Variants in STK32C observed in about 807,000 individuals in gnomAD.
The protein encoded by STK32C is serine/threonine kinase 32C, also known as serine/threonine-protein kinase 32C.
A neutral mutation model predicts 56.5 loss-of-function variants in STK32C; 31 were observed. The observed-to-expected ratio is 0.55, with a 90% CI of 0.41 to 0.74. The LOEUF is 0.74. Ranked by LOEUF, STK32C falls within the 30% of genes least tolerant of loss-of-function variation. STK32C has a pLI of 0.00. For missense variants in STK32C, 544 were observed against 676.9 expected, an observed-to-expected ratio of 0.80 and a Z score of 2.18; for synonymous variants, 309 against 289.4, an observed-to-expected ratio of 1.07 and a Z score of -0.69.
At chr10:132,219,012 G>A (rs1047394278) in intron 10 of STK32C, among the ~76,000 whole-genome samples, 5 of 152,176 alleles carry the variant, frequency 3.3e-5, no homozygotes, top group Admixed American at 6.5e-5. Flanking sequence ...CTACAGAGAC[G>A]GAAAGTAGCT....
intron 2 of STK32C, among the ~76,000 whole-genome samples, chr10:132,228,412 G>A (rs1256215844): frequency 6.6e-6 from 1 of 152,218 alleles, no homozygotes; most frequent in Non-Finnish European, 1.5e-5. Context: ...GGCGGCACCT[G>A]TCTCAGTGAC....
chr10:132,268,583 G>T (rs1272896207), intron 1 of STK32C, among the ~76,000 whole-genome samples: 17 of 147,644 alleles, frequency 1.2e-4, no homozygotes, highest in Admixed American at 1.1e-3. Flanking sequence ...ACATGCATGT[G>T]TATGCAGGTT....
chr10:132,279,783 G>A (rs1206471450), intron 1 of STK32C, among the ~76,000 whole-genome samples: 1 of 123,054 alleles, frequency 8.1e-6, no homozygotes, highest in African/African-American at 3.2e-5. Flanking sequence ...CCCTGTACTC[G>A]GTGATCACAC....
upstream of STK32C, among the ~76,000 whole-genome samples, chr10:132,312,196 C>G (rs1309167511): frequency 6.6e-6 from 1 of 152,082 alleles, no homozygotes; most frequent in African/African-American, 2.4e-5. Flanking sequence ...TTGGTAGAGA[C>G]AAGGATTTCA....
chr10:132,245,223 T>A (rs970664721), intron 2 of STK32C, among the ~76,000 whole-genome samples: 3 of 152,170 alleles, frequency 2.0e-5, no homozygotes, highest in African/African-American at 7.2e-5. Context: ...GCAGCACCCA[T>A]CTGCTAAGCC....
chr10:132,240,045 C>T (rs900129145), intron 2 of STK32C, among the ~76,000 whole-genome samples: 2 of 152,354 alleles, frequency 1.3e-5, no homozygotes, highest in South Asian at 2.1e-4. Flanking sequence ...GTGGAGCTGC[C>T]ATCCTGGTGG....
chr10:132,227,073 C>T (rs1053374439), intron 3 of STK32C, 105 bp from the exon 4 acceptor site: 108 of 1,306,160 alleles, frequency 8.3e-5, no homozygotes, highest in Non-Finnish European at 1.1e-4. Flanking sequence ...CCCACCCCAG[C>T]ATCAGCCACC....
At chr10:132,253,116 T>G (rs1265252944) in intron 1 of STK32C, among the ~76,000 whole-genome samples, 2 of 152,238 alleles carry the variant, frequency 1.3e-5, no homozygotes, top group Admixed American at 1.3e-4. Context: ...AGCATTTCCC[T>G]GTTCTCAGAG....
chr10:132,223,055 C>G, intron 8 of STK32C, 69 bp from the exon 9 acceptor site: 1 of 1,507,292 alleles, frequency 6.6e-7, no homozygotes, highest in South Asian at 1.2e-5. Flanking sequence ...CCGCCACCCC[C>G]AGGCCAGGGC....
chr10:132,264,994 G>GACA (rs140487980), intron 1 of STK32C, among the ~76,000 whole-genome samples: 5,140 of 152,346 alleles, frequency 0.034, 108 homozygotes, highest in South Asian at 0.064. Flanking sequence ...GAGGATTCAG[G>GACA]ACAGCCACAC....
chr10:132,275,559 T>C (rs2064969188), intron 1 of STK32C, among the ~76,000 whole-genome samples: 1 of 152,228 alleles, frequency 6.6e-6, no homozygotes, highest in Non-Finnish European at 1.5e-5. Context: ...CCGCTCTTCC[T>C]TCTGGCCACT....
At chr10:132,263,378 G>C (rs1045235638) in intron 1 of STK32C, among the ~76,000 whole-genome samples, 3 of 152,112 alleles carry the variant, frequency 2.0e-5, no homozygotes, top group Non-Finnish European at 4.4e-5. Flanking sequence ...GTGTAGGTGG[G>C]AGCTAACCAC....
intron 2 of STK32C, among the ~76,000 whole-genome samples, chr10:132,230,230 G>A (rs1002282185): frequency 6.6e-6 from 1 of 152,244 alleles, no homozygotes; most frequent in African/African-American, 2.4e-5. Flanking sequence ...AGCCAGTTGA[G>A]GGTTTCAGAA....
At chr10:132,297,113 A>C (rs944375272) in intron 1 of STK32C, among the ~76,000 whole-genome samples, 16 of 152,226 alleles carry the variant, frequency 1.1e-4, no homozygotes, top group Non-Finnish European at 8.8e-5. Context: ...GGCGGGTGAC[A>C]GTCACGGCTT....
chr10:132,329,781 G>A (rs114502234), intron 1 of STK32C, among the ~76,000 whole-genome samples: 194 of 152,338 alleles, frequency 1.3e-3, no homozygotes, highest in African/African-American at 4.2e-3. Context: ...ACAGATGGCC[G>A]GGAAGGGCTG....
chr10:132,330,430 C>T, intron 1 of STK32C: 2 of 717,296 alleles, frequency 2.8e-6, no homozygotes, highest in Middle Eastern at 2.3e-4. Context: ...CTTGCTCTGC[C>T]CGGGTGGCTG....
intron 2 of STK32C, among the ~76,000 whole-genome samples, chr10:132,241,303 G>T (rs2063492366): frequency 1.3e-5 from 2 of 152,258 alleles, no homozygotes; most frequent in African/African-American, 4.8e-5. Flanking sequence ...CGGGAAGGCA[G>T]GGCTCAGGGC....
intron 1 of STK32C, among the ~76,000 whole-genome samples, chr10:132,279,487 C>T (rs2065088097): frequency 6.6e-6 from 1 of 152,088 alleles, no homozygotes; most frequent in South Asian, 2.1e-4. Context: ...TGACCAGGTG[C>T]AGTGGCTCAC....
chr10:132,230,279 C>G (rs1044827182), intron 2 of STK32C, among the ~76,000 whole-genome samples: 3 of 152,264 alleles, frequency 2.0e-5, no homozygotes, highest in African/African-American at 4.8e-5. Context: ...CTGGCTGCCC[C>G]TGGCAGGACC....
Sources: allele counts gnomAD v4.1 joint callset (sites outside exome capture counted in the v4.1 genomes callset), GRCh38; gene constraint gnomAD v4.1.1; transcripts MANE v1.5; gene names NCBI Gene and HGNC (gene_info 2026-07-23, HGNC 2026-07-21).